Variants in SLC43A3 observed in about 807,000 individuals in gnomAD.
SLC43A3 encodes the protein solute carrier family 43 member 3.
A neutral mutation model predicts 53.3 loss-of-function variants in SLC43A3; 33 were observed. The observed-to-expected ratio is 0.62, with a 90% confidence interval of 0.47 to 0.83. The LOEUF is 0.83. SLC43A3 is among the 40% of genes least tolerant of loss of function. The probability of loss-of-function intolerance (pLI) is 0.00; values close to 1 mark genes in which losing one functional copy is unlikely to be tolerated. For missense variants in SLC43A3, 530 were observed against 610.0 expected, an observed-to-expected ratio of 0.87 and a Z score of 1.38; for synonymous variants, 236 against 246.2, an observed-to-expected ratio of 0.96 and a Z score of 0.39.
chr11:57,410,769 G>A (rs376554839), intron 11 of SLC43A3, among the ~76,000 whole-genome samples: 80 of 152,284 alleles, frequency 5.3e-4, no homozygotes, highest in South Asian at 3.1e-3. Context: ...GAATTCCCAC[G>A]TATTGTGGGT....
At chr11:57,420,846 A>G in intron 7 of SLC43A3, 126 bp downstream of exon 7, 1 of 667,558 alleles carries the variant, frequency 1.5e-6, no homozygotes. Context: ...CAAATGCTTC[A>G]TCTGTAAAAT....
chr11:57,424,866 T>C (rs78934438), intron 4 of SLC43A3, among the ~76,000 whole-genome samples: 3,919 of 152,282 alleles, frequency 0.026, 62 homozygotes, highest in Non-Finnish European at 0.039. Context: ...CTCTGAGCTG[T>C]ATCAGCCCCC....
Position 57,426,322 on chromosome 11 carries a change from C to T in SLC43A3, c.-150G>A. The stretch of plus-strand genomic sequence containing the variant: ...GCTCTCTGGTTGTTTCAGGCCTGGG[C>T]AAAAACCATCAGCGGGTGATTCTCT... On this transcript the variant is annotated 5_prime_UTR_variant, in exon 3 of 14. Coordinates refer to ENST00000395124, the MANE Select transcript of SLC43A3 (RefSeq NM_199329.3). The T allele has an allele frequency of 1.5e-6, 1 of 661,120 alleles. No homozygotes were observed. Among genetic ancestry groups the T allele is most frequent in the Non-Finnish European group, 2.5e-6 (1 of 392,632 alleles). The allele number at this position is 661,120 out of a possible 1,614,324, so 41.0% of individuals were successfully genotyped here. A position where few individuals can be genotyped will look rare whatever the true frequency, so the allele number is the denominator to read the frequency against.
In SLC43A3 at chr11:57,415,006, C is replaced by T; in HGVS notation, c.870G>A (p.Gln290=). ...AWHLVWLSVI[Q]LWHYLFIGTL... ...TGCCAATGAAGAGGTAGTGCCACAA[C>T]TGTATCACAGACAGCCACACCAGGT... The change falls in exon 10 of 14, where the codon CAG becomes CAA. Residue 290 remains glutamine (Q), a synonymous_variant. Coordinates refer to ENST00000395124, the MANE Select transcript of SLC43A3 (RefSeq NM_199329.3). 6.2e-7 allele frequency: 1 copy of T among 1,614,174 alleles called. No individual in the cohort carries two copies. The highest frequency in any genetic ancestry group is 1.7e-5 in the Admixed American group (1 of 60,032).
intron 7 of SLC43A3, among the ~76,000 whole-genome samples, chr11:57,418,664 C>A (rs543228360): frequency 1.3e-5 from 2 of 152,174 alleles, no homozygotes; most frequent in Admixed American, 6.5e-5. Flanking sequence ...CTGAGGCAAG[C>A]AGATCACCTG....
intron 10 of SLC43A3, 38 bp from the exon 11 acceptor site, chr11:57,414,769 T>A: frequency 1.3e-6 from 2 of 1,574,550 alleles, no homozygotes; most frequent in Non-Finnish European, 1.7e-6. Context: ...ATGAGAAGTT[T>A]CCAAAACTCC....
chr11:57,426,419 T>A (rs1205712880), intron 2 of SLC43A3, 67 bp from the exon 3 acceptor site: 3 of 534,664 alleles, frequency 5.6e-6, no homozygotes, highest in Non-Finnish European at 1.0e-5. Context: ...AGACTAGAGT[T>A]ATTTGTGAGG....
intron 13 of SLC43A3, chr11:57,408,103 G>A (rs1011849316): frequency 2.4e-5 from 12 of 510,254 alleles, no homozygotes; most frequent in Non-Finnish European, 3.9e-5. Flanking sequence ...TTGGGGTAGA[G>A]GAGGAATATC....
intron 11 of SLC43A3, among the ~76,000 whole-genome samples, chr11:57,411,212 C>T (rs772838027): frequency 6.6e-6 from 1 of 151,954 alleles, no homozygotes; most frequent in Non-Finnish European, 1.5e-5. Context: ...ATGTAAATGT[C>T]TGATATGTAA....
intron 11 of SLC43A3, among the ~76,000 whole-genome samples, chr11:57,410,531 T>C (rs1942402643): frequency 6.6e-6 from 1 of 151,990 alleles, no homozygotes; most frequent in Non-Finnish European, 1.5e-5. Flanking sequence ...AGTACAGGAA[T>C]GCTGTGGCAA....
In SLC43A3 at chr11:57,414,951, C is replaced by T. The variant is rs756675641; in HGVS notation, c.925G>A (p.Gly309Ser). ...TLNSLLTNMA[G>S]GDMARVSTYT... Reference sequence around the variant, plus strand: ...CACATACCTCGTGCCATGTCCCCACCGGCCATGTTGGTCAGCAAGGAGTTG... The same window carrying T: ...CACATACCTCGTGCCATGTCCCCACTGGCCATGTTGGTCAGCAAGGAGTTG... The change falls in exon 10 of 14, where the codon GGT becomes AGT. Residue 309 changes from glycine to serine, a missense_variant. By Grantham distance (56) the Gly-to-Ser change is moderately conservative. This residue lies in a region of SLC43A3 where 376 missense variants were observed against 386.7 expected (regional missense o/e 0.97). Transcript: ENST00000395124. The T allele has an allele frequency of 1.1e-5, 17 of 1,613,124 alleles. No homozygotes were observed. Among genetic ancestry groups the T allele is most frequent in the Admixed American group, 3.3e-5 (2 of 60,024 alleles).
intron 9 of SLC43A3, 74 bp from the exon 10 acceptor site, chr11:57,415,180 C>T (rs1050249330): frequency 1.3e-6 from 2 of 1,580,990 alleles, no homozygotes; most frequent in Non-Finnish European, 8.6e-7. Flanking sequence ...GTGGAGGCTT[C>T]AATGGAACAT....
At position 57,418,099 on chromosome 11, in the gene SLC43A3, C is replaced by T. The variant is rs143869135; in HGVS notation, c.532-212G>A. On this transcript the variant is annotated intron_variant, in intron 7 of 13. Transcript: ENST00000395124. Reference sequence around the variant, plus strand: ...CACCTACAATCCCAGCACTTTGGGACGCACGAGGATCACCTGAGCCCAGTT... The same window carrying T: ...CACCTACAATCCCAGCACTTTGGGATGCACGAGGATCACCTGAGCCCAGTT... Among the ~76,000 whole-genome samples the T allele has an allele frequency of 3.5e-3, 537 of 152,238 alleles. 3 individuals carry two copies. The highest frequency in any genetic ancestry group is 0.012 in the African/African-American group (512 of 41,544).
At chr11:57,425,495 G>C in intron 4 of SLC43A3, 46 bp downstream of exon 4, 2 of 1,596,548 alleles carry the variant, frequency 1.3e-6, no homozygotes, top group Non-Finnish European at 1.7e-6. Flanking sequence ...GCTGCCTGAA[G>C]GATTCCTCTT....
intron 9 of SLC43A3, chr11:57,415,351 T>C: frequency 6.7e-7 from 1 of 1,487,776 alleles, no homozygotes; most frequent in South Asian, 1.2e-5. Flanking sequence ...CCGATCTGTC[T>C]CTCACAGCCT....
intron 11 of SLC43A3, among the ~76,000 whole-genome samples, chr11:57,411,806 T>C (rs956502303): frequency 3.9e-5 from 6 of 152,170 alleles, no homozygotes; most frequent in African/African-American, 1.4e-4. Flanking sequence ...TGTTATCAAG[T>C]AACATCAATA....
rs779111381 is a variant in SLC43A3, at chr11:57,407,904, G to C, written c.1372-8C>G. 6.3e-7 allele frequency: 1 copy of C among 1,579,496 alleles called. No individual in the cohort carries two copies. The stretch of plus-strand genomic sequence containing the variant: ...CATGAACATCACATTCACCTGCAGG[G>C]AGAGCAGAAGTGAGGTGAAATCCAG... On this transcript the variant is annotated splice_region_variant and splice_polypyrimidine_tract_variant and intron_variant, in intron 13 of 13. Transcript: ENST00000395124.
chr11:57,419,507 C>T (rs1454920631), intron 7 of SLC43A3, among the ~76,000 whole-genome samples: 1 of 152,038 alleles, frequency 6.6e-6, no homozygotes, highest in African/African-American at 2.4e-5. Context: ...TCTAGAGAGA[C>T]AGGAGAGAGG....
intron 11 of SLC43A3, among the ~76,000 whole-genome samples, chr11:57,413,921 C>G (rs1244596079): frequency 6.6e-6 from 1 of 152,186 alleles, no homozygotes; most frequent in African/African-American, 2.4e-5. Flanking sequence ...CAGGTCTTGG[C>G]TTAGGTGCCA....
Sources: allele counts gnomAD v4.1 joint callset (sites outside exome capture counted in the v4.1 genomes callset), GRCh38; gene constraint gnomAD v4.1.1; regional missense constraint gnomAD v4.1.1; transcripts MANE v1.5; gene names NCBI Gene and HGNC (gene_info 2026-07-23, HGNC 2026-07-21).